Variants in LRP1B observed in about 807,000 individuals in gnomAD.
LRP1B encodes LDL receptor related protein 1B, also known as low-density lipoprotein receptor-related protein 1B.
In LRP1B, 217 loss-of-function variants were observed where a neutral mutation model predicts 556.6. That is an observed-to-expected ratio of 0.39 (90% CI 0.35 to 0.44). The LOEUF is 0.44. LRP1B is among the 20% of genes least tolerant of loss of function. LRP1B has a pLI of 1.00. For synonymous variants in LRP1B, 2,047 were observed against 1,865.8 expected (o/e 1.10, Z -2.50); for missense variants, 5,053 against 5,620.8 (o/e 0.90, Z 3.23).
At chr2:140,992,622 C>T (rs997544856) in intron 16 of LRP1B, 1 of 152,076 alleles carries the variant, frequency 6.6e-6, no homozygotes, top group African/African-American at 2.4e-5. Flanking sequence ...CTACTCCTTC[C>T]TTCTTTTTAA....
intron 89 of LRP1B, among the ~76,000 whole-genome samples, chr2:140,235,331 G>A (rs1257475932): frequency 6.7e-6 from 1 of 149,852 alleles, no homozygotes; most frequent in Non-Finnish European, 1.5e-5. Flanking sequence ...CCCTCTTTGA[G>A]AATAACAGAA....
chr2:141,672,251 A>T (rs1172725652), intron 2 of LRP1B, among the ~76,000 whole-genome samples: 1 of 152,130 alleles, frequency 6.6e-6, no homozygotes, highest in African/African-American at 2.4e-5. Flanking sequence ...GGAAAGAGAC[A>T]ACAAGGCACT....
chr2:141,946,784 C>T (rs1558979180), intron 1 of LRP1B, among the ~76,000 whole-genome samples: 1 of 152,056 alleles, frequency 6.6e-6, no homozygotes, highest in Non-Finnish European at 1.5e-5. Context: ...TCATCTGTAT[C>T]TCACCGACAT....
chr2:141,410,249 C>T (rs1690802963), intron 3 of LRP1B, among the ~76,000 whole-genome samples: 1 of 151,972 alleles, frequency 6.6e-6, no homozygotes, highest in African/African-American at 2.4e-5. Flanking sequence ...TTGTAGGGCA[C>T]AATCCTATAG....
intron 2 of LRP1B, among the ~76,000 whole-genome samples, chr2:141,628,433 C>A (rs1323755124): frequency 6.6e-6 from 1 of 151,432 alleles, no homozygotes; most frequent in African/African-American, 2.4e-5. Flanking sequence ...GTTGGGTAAA[C>A]AATGAATAGG....
At chr2:140,276,089 T>C (rs1469335214) in intron 84 of LRP1B, among the ~76,000 whole-genome samples, 2 of 152,010 alleles carry the variant, frequency 1.3e-5, no homozygotes, top group African/African-American at 4.8e-5. Flanking sequence ...AGTTTCCTTT[T>C]ACCTATTTAA....
At chr2:141,972,120 T>C (rs1403855810) in intron 1 of LRP1B, among the ~76,000 whole-genome samples, 3 of 151,544 alleles carry the variant, frequency 2.0e-5, no homozygotes, top group Non-Finnish European at 3.0e-5. Flanking sequence ...TGTAAACAAA[T>C]ACATGTATAT....
chr2:141,133,108 G>A (rs1207584174), intron 7 of LRP1B, among the ~76,000 whole-genome samples: 1 of 151,900 alleles, frequency 6.6e-6, no homozygotes, highest in African/African-American at 2.4e-5. Flanking sequence ...ACCCGACTGA[G>A]AATGTCTAGC....
intron 79 of LRP1B, among the ~76,000 whole-genome samples, chr2:140,333,299 C>T (rs901719254): frequency 1.3e-5 from 2 of 152,140 alleles, no homozygotes; most frequent in South Asian, 4.1e-4. Context: ...TCTTACTTTG[C>T]TTTTCTGTAT....
chr2:140,277,159 T>C (rs943872124), intron 84 of LRP1B, among the ~76,000 whole-genome samples: 1 of 151,938 alleles, frequency 6.6e-6, no homozygotes, highest in African/African-American at 2.4e-5. Flanking sequence ...TGGAGGTTGA[T>C]GAATGTCCAG....
At chr2:141,092,378 G>A (rs1439170073) in intron 7 of LRP1B, among the ~76,000 whole-genome samples, 1 of 152,290 alleles carries the variant, frequency 6.6e-6, no homozygotes, top group Admixed American at 6.5e-5. Context: ...TACTGTTACT[G>A]AGCAGGGGAG....
At chr2:140,765,417 A>G (rs938434005) in intron 35 of LRP1B, among the ~76,000 whole-genome samples, 1 of 152,154 alleles carries the variant, frequency 6.6e-6, no homozygotes, top group Admixed American at 6.6e-5. Flanking sequence ...AGTGAAGATC[A>G]CTTAACTAAG....
chr2:142,004,754 G>A (rs990567224), intron 1 of LRP1B, among the ~76,000 whole-genome samples: 8 of 151,660 alleles, frequency 5.3e-5, no homozygotes, highest in African/African-American at 2.4e-5. Context: ...GCTGAGGCAG[G>A]AGAATCACTG....
At chr2:140,866,057 G>A (rs1033345972) in intron 27 of LRP1B, among the ~76,000 whole-genome samples, 1 of 152,094 alleles carries the variant, frequency 6.6e-6, no homozygotes, top group African/African-American at 2.4e-5. Context: ...GCAATACATA[G>A]ATGATGCAAT....
chr2:141,596,818 T>A (rs912933132), intron 2 of LRP1B, among the ~76,000 whole-genome samples: 3 of 151,998 alleles, frequency 2.0e-5, no homozygotes, highest in African/African-American at 7.2e-5. Context: ...GTAACAGGAA[T>A]GTGCCATATG....
At chr2:140,512,731 A>G (rs1689719599) in intron 51 of LRP1B, among the ~76,000 whole-genome samples, 1 of 152,194 alleles carries the variant, frequency 6.6e-6, no homozygotes, top group Non-Finnish European at 1.5e-5. Context: ...ATGTGTTTAC[A>G]TCCTGCATCA....
chr2:140,358,339 A>C (rs1682332908), intron 73 of LRP1B, among the ~76,000 whole-genome samples: 1 of 151,606 alleles, frequency 6.6e-6, no homozygotes, highest in African/African-American at 2.4e-5. Context: ...TCTACAGAAA[A>C]ATTTTAAAAT....
chr2:140,331,581 ACAT>A (rs1680814686), intron 79 of LRP1B, among the ~76,000 whole-genome samples: 1 of 151,764 alleles, frequency 6.6e-6, no homozygotes, highest in Admixed American at 6.6e-5. Context: ...ATGATTCCTG[ACAT>A]CAGCAGAGCA....
chr2:140,681,862 G>C (rs540258816), intron 41 of LRP1B, among the ~76,000 whole-genome samples: 21 of 152,174 alleles, frequency 1.4e-4, no homozygotes, highest in Admixed American at 1.2e-3. Flanking sequence ...AGAAAAAAAG[G>C]AGTACTTCCT....
Sources: gnomAD v4.1 joint callset for allele counts (sites outside exome capture counted in the v4.1 genomes callset) on GRCh38, gnomAD v4.1.1 for gene constraint, MANE v1.5 for transcripts, NCBI Gene and HGNC (gene_info 2026-07-23, HGNC 2026-07-21) for gene names.